The following LRRN1 variants were observed in gnomAD, a reference collection of about 807,000 sequenced individuals.
LRRN1 encodes leucine-rich repeat neuronal protein 1.
A neutral mutation model predicts 45.8 loss-of-function variants in LRRN1; 14 were observed. The ratio of observed to expected loss-of-function variants is 0.31; its 90% CI spans 0.20 to 0.48. The LOEUF is 0.48. Ranked by LOEUF, LRRN1 falls within the 20% of genes least tolerant of loss-of-function variation. The pLI is 0.99. For synonymous variants in LRRN1, 359 were observed against 330.1 expected, an observed-to-expected ratio of 1.09 and a Z score of -0.95; for missense variants, 789 against 874.2, an observed-to-expected ratio of 0.90 and a Z score of 1.23.
chr3:3,842,386 C>T (rs1040844538), intron 1 of LRRN1, among the ~76,000 whole-genome samples: 3 of 151,648 alleles, frequency 2.0e-5, no homozygotes, highest in Admixed American at 2.0e-4. Flanking sequence ...TCACACTTGC[C>T]AGAATCTGGA....
chr3:3,844,083 T>C (rs1306542384), intron 1 of LRRN1, among the ~76,000 whole-genome samples: 1 of 152,148 alleles, frequency 6.6e-6, no homozygotes, highest in African/African-American at 2.4e-5. Flanking sequence ...ACTTTACATG[T>C]GTATACATAC....
chr3:3,806,176 G>A (rs2120604), intron 1 of LRRN1, among the ~76,000 whole-genome samples: 32,736 of 152,100 alleles, frequency 0.22, 5,499 homozygotes, highest in African/African-American at 0.43. Flanking sequence ...CCCCACGACG[G>A]AGAATTATCT....
Position 3,816,670 on chromosome 3 carries a change from G to A in LRRN1, c.-279+16751G>A, listed in dbSNP as rs527678663. Among the ~76,000 whole-genome samples the A allele has an allele frequency of 2.0e-5, 3 of 152,208 alleles. No individual in the cohort carries two copies. The East Asian group carries it at 5.8e-4, about 29-fold the overall frequency. Reference sequence around the variant, plus strand: ...AATTTGAAACTATAAAAGCTTTCTAGGAAACCTTCAGTCAAACAGAAAATT... The same window carrying A: ...AATTTGAAACTATAAAAGCTTTCTAAGAAACCTTCAGTCAAACAGAAAATT... On this transcript the variant is annotated intron_variant, in intron 1 of 1. Transcript: ENST00000319331. The surrounding 1 kb of genome is among the most constrained non-coding windows in gnomAD (Gnocchi z 4.0).
At chr3:3,800,148 A>G (rs1288848850) in intron 1 of LRRN1, among the ~76,000 whole-genome samples, 4 of 152,042 alleles carry the variant, frequency 2.6e-5, no homozygotes, top group Admixed American at 6.5e-5. Context: ...CCAAAAAAAA[A>G]AAAAAAAAGG....
At position 3,802,243 on chromosome 3, in the gene LRRN1, C is replaced by A. The variant is rs147345710; in HGVS notation, c.-279+2324C>A. Among the ~76,000 whole-genome samples, 70 of 152,316 alleles carry A rather than the reference C, an allele frequency of 4.6e-4. No individual in the cohort carries two copies. In the East Asian group the frequency reaches 0.013, roughly 28 times the overall value. On this transcript the variant is annotated intron_variant, in intron 1 of 1. Coordinates refer to ENST00000319331, the MANE Select transcript of LRRN1 (RefSeq NM_020873.7). ...CTGCGTGACCACACTGCACTGTTCA[C>A]CTCTTGGCGTTGTGCGACAGCTGAA... is the stretch of plus-strand genomic sequence containing the variant.
chr3:3,831,987 T>A (rs1032846657), intron 1 of LRRN1, among the ~76,000 whole-genome samples: 1 of 152,230 alleles, frequency 6.6e-6, no homozygotes, highest in African/African-American at 2.4e-5. Context: ...GCATTTGCCA[T>A]GTCAATGGCT....
rs567444862 is a variant in LRRN1 at position 3,849,040 on chromosome 3, C to T, written c.*2248C>T. ...CCCTTGAGGAATTCTTGTCTTCAAA[C>T]GTCTGCAGAGTAATGGACCATGTTA... On this transcript the variant is annotated 3_prime_UTR_variant, in exon 2 of 2. Transcript: ENST00000319331. 1.1e-4 allele frequency among the ~76,000 whole-genome samples: 16 copies of T among 152,290 alleles called. No homozygotes were observed. The South Asian group carries it at 2.7e-3, about 26-fold the overall frequency.
At chr3:3,842,392 C>A (rs1693669872) in intron 1 of LRRN1, among the ~76,000 whole-genome samples, 1 of 151,480 alleles carries the variant, frequency 6.6e-6, no homozygotes, top group South Asian at 2.1e-4. Context: ...TTGCCAGAAT[C>A]TGGATTTAAT....
At chr3:3,832,560 G>C (rs1693394874) in intron 1 of LRRN1, among the ~76,000 whole-genome samples, 1 of 152,288 alleles carries the variant, frequency 6.6e-6, no homozygotes, top group South Asian at 2.1e-4. Flanking sequence ...TCCCCAAAAT[G>C]TCTGATCATT....
chr3:3,822,131 C>G (rs1485744937), intron 1 of LRRN1, among the ~76,000 whole-genome samples: 1 of 152,184 alleles, frequency 6.6e-6, no homozygotes, highest in Non-Finnish European at 1.5e-5. Context: ...TTTTATTTTT[C>G]TGAGTCTCCA....
intron 1 of LRRN1, among the ~76,000 whole-genome samples, chr3:3,830,461 G>A (rs917746969): frequency 7.2e-5 from 11 of 152,180 alleles, no homozygotes; most frequent in South Asian, 6.2e-4. Flanking sequence ...ACCCTCCACC[G>A]CTGTCCTTTA....
chr3:3,819,207 G>A (rs1256523463), intron 1 of LRRN1, among the ~76,000 whole-genome samples: 1 of 151,998 alleles, frequency 6.6e-6, no homozygotes, highest in Non-Finnish European at 1.5e-5. Flanking sequence ...GGCTGGTCTT[G>A]AACTCCTGGG....
chr3:3,823,656 T>C (rs531394202), intron 1 of LRRN1, among the ~76,000 whole-genome samples: 1 of 152,214 alleles, frequency 6.6e-6, no homozygotes, highest in East Asian at 1.9e-4. Context: ...ACTATGCCCA[T>C]CAAAAAGAGG....
chr3:3,839,334 C>G (rs1693595142), intron 1 of LRRN1, among the ~76,000 whole-genome samples: 1 of 152,140 alleles, frequency 6.6e-6, no homozygotes, highest in Non-Finnish European at 1.5e-5. Flanking sequence ...TTTCTGGACT[C>G]TGTTCCATTG....
chr3:3,836,487 G>T (rs972945062), intron 1 of LRRN1, among the ~76,000 whole-genome samples: 1 of 152,146 alleles, frequency 6.6e-6, no homozygotes, highest in African/African-American at 2.4e-5. Flanking sequence ...ATTCATCCGT[G>T]TTGTAGCATA....
At chr3:3,834,487 A>G (rs2106465727) in intron 1 of LRRN1, among the ~76,000 whole-genome samples, 1 of 109,644 alleles carries the variant, frequency 9.1e-6, no homozygotes, top group East Asian at 2.8e-4. Flanking sequence ...TCCTGGTACC[A>G]AAATCTGTAT....
At chr3:3,807,281 G>C (rs931793093) in intron 1 of LRRN1, among the ~76,000 whole-genome samples, 1 of 152,202 alleles carries the variant, frequency 6.6e-6, no homozygotes, top group African/African-American at 2.4e-5. Context: ...AAACGAGATA[G>C]AAAATGGGAC....
At chr3:3,831,119 C>T (rs1440433506) in intron 1 of LRRN1, among the ~76,000 whole-genome samples, 1 of 152,184 alleles carries the variant, frequency 6.6e-6, no homozygotes, top group East Asian at 1.9e-4. Context: ...TGCTTCTGTT[C>T]TGGACCCCAC....
intron 1 of LRRN1, among the ~76,000 whole-genome samples, chr3:3,838,521 CT>C (rs1396039560): frequency 1.3e-5 from 2 of 152,160 alleles, no homozygotes; most frequent in Non-Finnish European, 2.9e-5. Flanking sequence ...TAAGATTCCG[CT>C]TTAATTCTTT....
Sources: allele counts gnomAD v4.1 joint callset (sites outside exome capture counted in the v4.1 genomes callset), GRCh38; gene constraint gnomAD v4.1.1; non-coding constraint Gnocchi (gnomAD v3.1); transcripts MANE v1.5; gene names NCBI Gene and HGNC (gene_info 2026-07-23, HGNC 2026-07-21).